PDS5A: variants seen among roughly 807,000 people sequenced by gnomAD.
The protein encoded by PDS5A is PDS5 cohesin associated factor A.
PDS5A carries 42 observed loss-of-function variants against 167.1 expected under a neutral mutation model. The ratio of observed to expected loss-of-function variants is 0.25; its 90% CI spans 0.20 to 0.33. The LOEUF (loss-of-function observed/expected upper bound fraction) is 0.33, where lower values mean the gene tolerates loss of function less well. Among genes scored for constraint, PDS5A ranks in the 10% least tolerant of loss-of-function variants. The pLI, the probability that PDS5A is intolerant of heterozygous loss-of-function variation, is 1.00. For missense variants in PDS5A, 1,033 were observed against 1,605.9 expected (o/e 0.64, Z 6.10); for synonymous variants, 553 against 554.6 (o/e 1.00, Z 0.04).
intron 31 of PDS5A, among the ~76,000 whole-genome samples, chr4:39,840,847 AG>A (rs1337445698): frequency 6.6e-6 from 1 of 151,498 alleles, no homozygotes; most frequent in Non-Finnish European, 1.5e-5. Context: ...CTTCACCTCG[AG>A]GGTTCAAGTG....
intron 16 of PDS5A, among the ~76,000 whole-genome samples, chr4:39,895,723 A>T (rs1405713146): frequency 1.3e-5 from 2 of 151,606 alleles, no homozygotes; most frequent in African/African-American, 2.4e-5. Context: ...TTTTTGTTTG[A>T]TTGTTTGTTT....
At chr4:39,838,579 C>T (rs771524963) in intron 31 of PDS5A, among the ~76,000 whole-genome samples, 4 of 152,092 alleles carry the variant, frequency 2.6e-5, no homozygotes, top group Non-Finnish European at 2.9e-5. Flanking sequence ...AAAAATTAGC[C>T]GGGCATGGTG....
intron 2 of PDS5A, among the ~76,000 whole-genome samples, chr4:39,963,245 C>G (rs1313620310): frequency 6.6e-6 from 1 of 151,972 alleles, no homozygotes; most frequent in Non-Finnish European, 1.5e-5. Context: ...CACCTGAGGT[C>G]AAGAGTTCGA....
At chr4:39,968,057 T>C (rs1453019629) in intron 2 of PDS5A, among the ~76,000 whole-genome samples, 1 of 152,234 alleles carries the variant, frequency 6.6e-6, no homozygotes, top group Non-Finnish European at 1.5e-5. Context: ...ATATACTACA[T>C]AACTAACTTA....
chr4:39,837,916 G>C lies in PDS5A; in HGVS notation c.3950C>G (p.Pro1317Arg). 6.2e-7 allele frequency: 1 copy of C among 1,613,730 alleles called. No individual in the cohort carries two copies. The highest frequency in any genetic ancestry group is 8.5e-7 in the Non-Finnish European group (1 of 1,179,824). Residue 1317 changes from proline (P) to arginine (R), a missense_variant, in exon 32 of 33, where the codon CCC (proline) becomes CGC (arginine). Physicochemically the swap from Pro to Arg is moderately radical, Grantham distance 103. Around this residue, in one of 4 missense-constraint regions of PDS5A, gnomAD observed 233 missense variants for 264.0 expected, o/e 0.88. Coordinates refer to ENST00000303538, the MANE Select transcript of PDS5A (RefSeq NM_001100399.2). ...CTTTTTGGCTAAATCTTGCAGTTTG[G>C]GTGCTTTGGCATTACCTGCTTCCAA... ...GGLEAGNAKA[P>R]KLQDLAKKAA...
At chr4:39,869,849 G>C (rs1030654536) in intron 21 of PDS5A, among the ~76,000 whole-genome samples, 2 of 152,146 alleles carry the variant, frequency 1.3e-5, no homozygotes, top group Non-Finnish European at 2.9e-5. Flanking sequence ...GGTCAAGCCT[G>C]TAATCCCAGC....
chr4:39,883,309 T>A (rs1052305006), intron 17 of PDS5A, among the ~76,000 whole-genome samples: 1 of 151,922 alleles, frequency 6.6e-6, no homozygotes, highest in Non-Finnish European at 1.5e-5. Flanking sequence ...GCCTCCCGAG[T>A]AGCTGGGATT....
chr4:39,896,949 T>G (rs557228378), intron 16 of PDS5A, among the ~76,000 whole-genome samples: 2 of 151,790 alleles, frequency 1.3e-5, no homozygotes, highest in East Asian at 3.9e-4. Flanking sequence ...ATGTGCACAA[T>G]GTGCAGGTTT....
Position 39,879,923 on chromosome 4 carries a change from A to G in PDS5A, c.1887-90T>C, listed in dbSNP as rs892915190. ...TGACAGAACATATATAGAACCTTAAAATATTAAATTCAAAGGAGTTTCTGT... is the reference window on the plus strand; with the variant it reads ...TGACAGAACATATATAGAACCTTAAGATATTAAATTCAAAGGAGTTTCTGT... On this transcript the variant is annotated intron_variant, in intron 17 of 32. Transcript: ENST00000303538. 7.2e-6 allele frequency: 5 copies of G among 695,146 alleles called. No individual in the cohort carries two copies. The African/African-American group carries it at 8.8e-5, about 12-fold the overall frequency. 43.1% of individuals were successfully genotyped at this position (695,146 alleles called of 1,614,324 possible).
chr4:39,858,462 A>G (rs1578618276), intron 26 of PDS5A, among the ~76,000 whole-genome samples: 1 of 152,224 alleles, frequency 6.6e-6, no homozygotes, highest in Non-Finnish European at 1.5e-5. Context: ...TCTCTGGGGA[A>G]AGAACAGTCT....
At chr4:39,841,884 T>C (rs951589529) in intron 31 of PDS5A, 64 bp downstream of exon 31, 18 of 849,624 alleles carry the variant, frequency 2.1e-5, no homozygotes, top group Non-Finnish European at 3.4e-5. Flanking sequence ...AGATTTCTTA[T>C]CCCTACGGAA....
At chr4:39,883,094 T>C (rs185397205) in intron 17 of PDS5A, among the ~76,000 whole-genome samples, 7 of 152,324 alleles carry the variant, frequency 4.6e-5, no homozygotes, top group East Asian at 1.9e-4. Context: ...GTCCTTCTTC[T>C]TGCTCTGCTT....
chr4:39,921,260 A>T (rs760840526), intron 6 of PDS5A, among the ~76,000 whole-genome samples: 1 of 152,226 alleles, frequency 6.6e-6, no homozygotes, highest in Non-Finnish European at 1.5e-5. Flanking sequence ...AAACGAATGA[A>T]CATGGCTGTG....
At chr4:39,964,620 T>C (rs886157554) in intron 2 of PDS5A, among the ~76,000 whole-genome samples, 1 of 152,192 alleles carries the variant, frequency 6.6e-6, no homozygotes, top group Non-Finnish European at 1.5e-5. Flanking sequence ...GAGGATCACT[T>C]GAACCCAGAA....
At chr4:39,849,466 A>G in intron 27 of PDS5A, 54 bp downstream of exon 27, 4 of 821,034 alleles carry the variant, frequency 4.9e-6, no homozygotes, top group Admixed American at 2.4e-5. Context: ...ACCAAGTGGG[A>G]CAATATATTT....
At chr4:39,887,290 T>C (rs1289554375) in intron 17 of PDS5A, among the ~76,000 whole-genome samples, 1 of 152,236 alleles carries the variant, frequency 6.6e-6, no homozygotes, top group African/African-American at 2.4e-5. Context: ...GTTCCCTCTA[T>C]ACCTATTTTG....
chr4:39,965,495 A>C (rs149431489), intron 2 of PDS5A, among the ~76,000 whole-genome samples: 21 of 152,340 alleles, frequency 1.4e-4, no homozygotes, highest in Non-Finnish European at 2.8e-4. Context: ...TAAAAAGTGG[A>C]AACAATTCAA....
At chr4:39,866,330 G>T (rs1719449552) in intron 23 of PDS5A, among the ~76,000 whole-genome samples, 1 of 151,996 alleles carries the variant, frequency 6.6e-6, no homozygotes, top group African/African-American at 2.4e-5. Flanking sequence ...TATTGGCCAG[G>T]CTGGTCTTGA....
intron 17 of PDS5A, among the ~76,000 whole-genome samples, chr4:39,884,336 T>C (rs1342736265): frequency 6.6e-6 from 1 of 152,202 alleles, no homozygotes; most frequent in African/African-American, 2.4e-5. Context: ...TATGTATCCC[T>C]TTAACATGCT....
Sources: allele counts gnomAD v4.1 joint callset (sites outside exome capture counted in the v4.1 genomes callset), GRCh38; gene constraint gnomAD v4.1.1; regional missense constraint gnomAD v4.1.1; transcripts MANE v1.5; gene names NCBI Gene and HGNC (gene_info 2026-07-23, HGNC 2026-07-21).